DRC5: variants seen among roughly 807,000 people sequenced by gnomAD.
DRC5 encodes T-complex-associated testis-expressed protein 1.
At chr6:44,286,426 C>T in the DRC5 span, 1 of 1,614,158 alleles carries the variant, frequency 6.2e-7, no homozygotes, top group Non-Finnish European at 8.5e-7. Flanking sequence ...GCCAGTAGTT[C>T]TCACTGTCTA....
the DRC5 span, chr6:44,287,658 G>A: frequency 3.7e-6 from 6 of 1,614,220 alleles, no homozygotes; most frequent in Non-Finnish European, 5.1e-6. Flanking sequence ...GACGGATATT[G>A]GCCCTGGGAT....
At chr6:44,279,225 G>A in the DRC5 span, 1 of 152,292 alleles carries the variant, frequency 6.6e-6, no homozygotes, top group African/African-American at 2.4e-5. Context: ...TGTGGCCCCA[G>A]GGTGGACAGC....
chr6:44,280,230 T>C, the DRC5 span: 1 of 1,614,186 alleles, frequency 6.2e-7, no homozygotes, highest in Non-Finnish European at 8.5e-7. Flanking sequence ...TGACATGAAG[T>C]GGCTGGGATT....
chr6:44,291,332 T>C, the DRC5 span, among the ~76,000 whole-genome samples: 4 of 152,250 alleles, frequency 2.6e-5, no homozygotes, highest in African/African-American at 9.6e-5. Context: ...AAGATTCTTC[T>C]AAGGAGGATT....
chr6:44,291,780 T>G, the DRC5 span, among the ~76,000 whole-genome samples: 1 of 152,124 alleles, frequency 6.6e-6, no homozygotes, highest in Non-Finnish European at 1.5e-5. Flanking sequence ...GGTGGTGTAA[T>G]GCCAGACTCT....
the DRC5 span, among the ~76,000 whole-genome samples, chr6:44,283,796 A>T: frequency 6.6e-6 from 1 of 152,148 alleles, no homozygotes; most frequent in Non-Finnish European, 1.5e-5. Context: ...CCCTCTTATA[A>T]TCTACAACAA....
At chr6:44,291,021 C>T in the DRC5 span, among the ~76,000 whole-genome samples, 300 of 152,326 alleles carry the variant, frequency 2.0e-3, 1 homozygote, top group African/African-American at 6.6e-3. Flanking sequence ...CTGGGCATGA[C>T]ACAGCAGGAC....
chr6:44,286,241 C>T, the DRC5 span: 1 of 1,612,598 alleles, frequency 6.2e-7, no homozygotes, highest in Middle Eastern at 1.6e-4. Context: ...GACGTGGACC[C>T]TGCGCACGTA....
At chr6:44,288,012 G>A in the DRC5 span, 1 of 639,650 alleles carries the variant, frequency 1.6e-6, no homozygotes, top group Non-Finnish European at 2.5e-6. Context: ...TTAACGATCA[G>A]TCCCTGGAGT....
At chr6:44,297,218 G>C in the DRC5 span, among the ~76,000 whole-genome samples, 1 of 152,214 alleles carries the variant, frequency 6.6e-6, no homozygotes, top group Non-Finnish European at 1.5e-5. Context: ...GGGAGGTAGG[G>C]AGATGAGGAA....
the DRC5 span, chr6:44,288,015 C>T: frequency 1.6e-6 from 1 of 632,942 alleles, no homozygotes; most frequent in Non-Finnish European, 2.5e-6. Flanking sequence ...ACGATCAGTC[C>T]CTGGAGTGAA....
At chr6:44,287,161 A>C in the DRC5 span, 1 of 983,044 alleles carries the variant, frequency 1.0e-6, no homozygotes, top group Admixed American at 6.1e-5. Flanking sequence ...TACAGAGCAC[A>C]AAATATGGAA....
chr6:44,282,026 C>CT, the DRC5 span: 2 of 1,325,520 alleles, frequency 1.5e-6, no homozygotes, highest in Non-Finnish European at 2.1e-6. Context: ...TATGTAAACT[C>CT]TGTGATCTTC....
chr6:44,287,604 G>A, the DRC5 span: 16 of 1,614,010 alleles, frequency 9.9e-6, no homozygotes, highest in Non-Finnish European at 1.4e-5. Context: ...GGGGCACGAT[G>A]GCCAGTGACC....
chr6:44,281,021 CTGTG>C, the DRC5 span, among the ~76,000 whole-genome samples: 104 of 151,232 alleles, frequency 6.9e-4, no homozygotes, highest in African/African-American at 1.8e-3. Flanking sequence ...CCTCTAGAAA[CTGTG>C]TGTGTGTGTG....
chr6:44,294,772 CAAAAAAAAAAA>C, the DRC5 span, among the ~76,000 whole-genome samples: 1 of 88,764 alleles, frequency 1.1e-5, no homozygotes, highest in Non-Finnish European at 2.1e-5. Context: ...AACTCTGTCT[CAAAAAAAAAAA>C]AAAAAAAAAA....
chr6:44,286,059 C>T, the DRC5 span: 1 of 1,614,160 alleles, frequency 6.2e-7, no homozygotes, highest in Non-Finnish European at 8.5e-7. Flanking sequence ...ATGCCGCAGT[C>T]CTTGACATCG....
chr6:44,290,527 T>C, the DRC5 span, among the ~76,000 whole-genome samples: 1 of 152,140 alleles, frequency 6.6e-6, no homozygotes, highest in East Asian at 1.9e-4. Flanking sequence ...CCTTCCCTAT[T>C]TCCAGGAGTG....
chr6:44,295,504 A>G, the DRC5 span, among the ~76,000 whole-genome samples: 1 of 152,196 alleles, frequency 6.6e-6, no homozygotes, highest in Admixed American at 6.5e-5. Context: ...CGTCTATACC[A>G]GGACATTAAC....
Sources: gnomAD v4.1 joint callset for allele counts (sites outside exome capture counted in the v4.1 genomes callset) on GRCh38, gnomAD v4.1.1 for gene constraint, MANE v1.5 for transcripts, NCBI Gene and HGNC (gene_info 2026-07-23, HGNC 2026-07-21) for gene names.